Variants in TMEM182 observed in about 807,000 individuals in gnomAD.
TMEM182 encodes transmembrane protein 182.
TMEM182 carries 20 observed loss-of-function variants against 26.8 expected under a neutral mutation model. The observed-to-expected ratio is 0.75, with a 90% CI of 0.53 to 1.09. The LOEUF is 1.09. Ranked by LOEUF, TMEM182 falls within the 50% of genes least tolerant of loss-of-function variation. The pLI, the probability that TMEM182 is intolerant of heterozygous loss-of-function variation, is 0.00. For missense variants in TMEM182, 277 were observed against 275.5 expected, an observed-to-expected ratio of 1.01 and a Z score of -0.04; for synonymous variants, 109 against 102.2, an observed-to-expected ratio of 1.07 and a Z score of -0.40.
chr2:102,766,227 AG>A (rs1680427977), intron 3 of TMEM182, among the ~76,000 whole-genome samples: 2 of 152,224 alleles, frequency 1.3e-5, no homozygotes, highest in Admixed American at 1.3e-4. Context: ...TGAAAAACAA[AG>A]TAACATAATC....
chr2:102,763,134 T>C (rs559259332), intron 2 of TMEM182, among the ~76,000 whole-genome samples: 3 of 151,984 alleles, frequency 2.0e-5, no homozygotes, highest in Non-Finnish European at 4.4e-5. Flanking sequence ...TATATTTTTT[T>C]TAAAAAAATC....
At chr2:102,833,102 A>G (rs531194445) in intron 3 of TMEM182, among the ~76,000 whole-genome samples, 8 of 152,336 alleles carry the variant, frequency 5.3e-5, no homozygotes, top group African/African-American at 1.9e-4. Flanking sequence ...TTACACAAAA[A>G]TTGGAACATG....
At chr2:102,819,257 C>T (rs1431678409), downstream of TMEM182, among the ~76,000 whole-genome samples, 1 of 152,046 alleles carries the variant, frequency 6.6e-6, no homozygotes, top group African/African-American at 2.4e-5. Context: ...CCTAAATGAA[C>T]AGATATTTAA....
chr2:102,780,898 A>G (rs1681141385), intron 3 of TMEM182, among the ~76,000 whole-genome samples: 3 of 152,102 alleles, frequency 2.0e-5, no homozygotes, highest in African/African-American at 7.2e-5. Context: ...TTGGATGGGC[A>G]TTTTGTTTGT....
rs1682700738 is a variant in TMEM182 at position 102,815,208 on chromosome 2, C to G, written c.*240C>G. Reference sequence around the variant, plus strand: ...CCTAGTTCTTTAGGGAATAGGTAAACAGGTCTCCCTTTCATTGAACATGTT... The same window carrying G: ...CCTAGTTCTTTAGGGAATAGGTAAAGAGGTCTCCCTTTCATTGAACATGTT... On this transcript the variant is annotated 3_prime_UTR_variant, in exon 5 of 5. Transcript: ENST00000412401. The G allele has an allele frequency of 1.1e-5, 14 of 1,316,490 alleles. No individual in the cohort carries two copies. Among genetic ancestry groups the G allele is most frequent in the Non-Finnish European group, 1.4e-5 (14 of 1,032,968 alleles). 81.6% of individuals were successfully genotyped at this position (1,316,490 alleles called of 1,614,324 possible).
intron 1 of TMEM182, among the ~76,000 whole-genome samples, chr2:102,752,950 G>C (rs2540310): frequency 0.48 from 73,668 of 152,106 alleles, 18,723 homozygotes; most frequent in African/African-American, 0.65. Context: ...TAATATGCAA[G>C]CTTAGAAAGA....
chr2:102,777,628 A>G (rs1489778802), intron 3 of TMEM182, among the ~76,000 whole-genome samples: 5 of 152,062 alleles, frequency 3.3e-5, no homozygotes, highest in Non-Finnish European at 2.9e-5. Flanking sequence ...TCCTGCAAAT[A>G]TGCTGAATTT....
chr2:102,820,896 A>G (rs760982838), downstream of TMEM182, among the ~76,000 whole-genome samples: 3 of 152,220 alleles, frequency 2.0e-5, no homozygotes, highest in Admixed American at 6.5e-5. Context: ...TTCTAGCTTA[A>G]GCAAATGGGT....
chr2:102,810,327 T>G (rs1682508506), intron 4 of TMEM182, among the ~76,000 whole-genome samples: 1 of 152,204 alleles, frequency 6.6e-6, no homozygotes, highest in African/African-American at 2.4e-5. Context: ...CTCTTGTGTT[T>G]GTGAAACAGT....
chr2:102,750,813 T>C (rs1679855253), intron 1 of TMEM182, among the ~76,000 whole-genome samples: 1 of 152,170 alleles, frequency 6.6e-6, no homozygotes, highest in Non-Finnish European at 1.5e-5. Context: ...CCCACTGTGT[T>C]CACAGTGATG....
intron 3 of TMEM182, among the ~76,000 whole-genome samples, chr2:102,784,689 G>C (rs757786730): frequency 2.6e-5 from 4 of 152,190 alleles, no homozygotes; most frequent in Non-Finnish European, 4.4e-5. Context: ...CATTTTTATG[G>C]TTATTTCTTG....
chr2:102,800,770 C>G (rs1174242358), intron 4 of TMEM182, among the ~76,000 whole-genome samples: 2 of 146,510 alleles, frequency 1.4e-5, no homozygotes, highest in Non-Finnish European at 3.0e-5. Context: ...TGCTTTGATC[C>G]TGGTTTTCGT....
intron 3 of TMEM182, among the ~76,000 whole-genome samples, chr2:102,774,215 C>T (rs1680805807): frequency 6.7e-6 from 1 of 149,684 alleles, no homozygotes. Context: ...ACAGATTCTG[C>T]ACATTCTCTG....
chr2:102,755,048 A>C (rs2104645078), intron 1 of TMEM182, among the ~76,000 whole-genome samples: 1 of 152,330 alleles, frequency 6.6e-6, no homozygotes, highest in South Asian at 2.1e-4. Flanking sequence ...TTTGTAATTT[A>C]AGAAACAAAC....
chr2:102,796,277 C>T (rs1001434990), intron 3 of TMEM182, among the ~76,000 whole-genome samples: 4 of 152,214 alleles, frequency 2.6e-5, no homozygotes, highest in African/African-American at 9.6e-5. Context: ...CTTTCCTTCT[C>T]ACTCCACTTG....
downstream of TMEM182, among the ~76,000 whole-genome samples, chr2:102,818,783 T>TATCTATCC (rs1682840320): frequency 6.6e-6 from 1 of 152,036 alleles, no homozygotes; most frequent in African/African-American, 2.4e-5. Flanking sequence ...TCTATCTATC[T>TATCTATCC]CTAAATTATA....
chr2:102,788,962 A>T (rs1185496630), intron 3 of TMEM182, among the ~76,000 whole-genome samples: 1 of 152,170 alleles, frequency 6.6e-6, no homozygotes, highest in Admixed American at 6.5e-5. Flanking sequence ...TGGTGCAGGC[A>T]CTACTGTATT....
intron 4 of TMEM182, among the ~76,000 whole-genome samples, chr2:102,799,246 A>G (rs959211615): frequency 1.3e-5 from 2 of 152,232 alleles, no homozygotes; most frequent in African/African-American, 4.8e-5. Context: ...CTGTCCTTCT[A>G]ATCATTGGAA....
intron 3 of TMEM182, among the ~76,000 whole-genome samples, chr2:102,822,799 A>T: frequency 6.6e-6 from 1 of 152,122 alleles, no homozygotes; most frequent in East Asian, 1.9e-4. Flanking sequence ...CTGCCAGCGT[A>T]TGTGTGGAGG....
Sources: gnomAD v4.1 joint callset for allele counts (sites outside exome capture counted in the v4.1 genomes callset) on GRCh38, gnomAD v4.1.1 for gene constraint, MANE v1.5 for transcripts, NCBI Gene and HGNC (gene_info 2026-07-23, HGNC 2026-07-21) for gene names.